Variants in CNTNAP5 observed in about 807,000 individuals in gnomAD.
CNTNAP5 encodes the protein contactin-associated protein-like 5.
CNTNAP5 carries 72 observed loss-of-function variants against 150.2 expected under a neutral mutation model. The ratio of observed to expected loss-of-function variants is 0.48; its 90% CI spans 0.40 to 0.58. The LOEUF is 0.58. Ranked by LOEUF, CNTNAP5 falls within the 20% of genes least tolerant of loss-of-function variation. CNTNAP5 has a pLI of 0.00. For missense variants in CNTNAP5, 1,636 were observed against 1,626.2 expected (o/e 1.01, Z -0.10); for synonymous variants, 672 against 619.8 (o/e 1.08, Z -1.25).
chr2:124,033,150 C>A (rs1276236911), intron 1 of CNTNAP5, among the ~76,000 whole-genome samples: 2 of 152,076 alleles, frequency 1.3e-5, no homozygotes, highest in East Asian at 3.9e-4. Flanking sequence ...TGTGCATATT[C>A]TTGGGGGTTG....
chr2:124,566,326 C>A (rs1320536014), intron 11 of CNTNAP5, among the ~76,000 whole-genome samples: 1 of 152,114 alleles, frequency 6.6e-6, no homozygotes, highest in East Asian at 1.9e-4. Flanking sequence ...CTCACTTTCT[C>A]CAAAAGTAAT....
intron 1 of CNTNAP5, among the ~76,000 whole-genome samples, chr2:124,078,290 A>C (rs1682484307): frequency 6.6e-6 from 1 of 152,222 alleles, no homozygotes; most frequent in Non-Finnish European, 1.5e-5. Context: ...ACATCTTTCT[A>C]CATCTGTAAA....
At chr2:124,902,379 A>C (rs1678431575) in intron 21 of CNTNAP5, among the ~76,000 whole-genome samples, 2 of 152,178 alleles carry the variant, frequency 1.3e-5, no homozygotes, top group Admixed American at 6.5e-5. Flanking sequence ...GCTTAAAATA[A>C]TTTACACAAT....
intron 19 of CNTNAP5, among the ~76,000 whole-genome samples, chr2:124,802,695 C>G (rs987207204): frequency 9.2e-5 from 14 of 152,176 alleles, no homozygotes; most frequent in Admixed American, 1.3e-4. Context: ...ATGGCTTTGC[C>G]TTCTCCACAG....
At chr2:124,087,234 G>A (rs573811605) in intron 1 of CNTNAP5, among the ~76,000 whole-genome samples, 4 of 151,864 alleles carry the variant, frequency 2.6e-5, no homozygotes, top group South Asian at 2.1e-4. Context: ...AGACAAAAAC[G>A]AAAGCTTACT....
chr2:124,631,084 C>A (rs1027949726), intron 12 of CNTNAP5, among the ~76,000 whole-genome samples: 2 of 152,066 alleles, frequency 1.3e-5, no homozygotes, highest in Non-Finnish European at 1.5e-5. Context: ...AGGACACAAG[C>A]AGATGGAAAA....
At chr2:124,633,757 C>A (rs904287625) in intron 12 of CNTNAP5, among the ~76,000 whole-genome samples, 3 of 152,196 alleles carry the variant, frequency 2.0e-5, no homozygotes, top group African/African-American at 7.2e-5. Context: ...ACAGGCTTTC[C>A]AAATAATTTT....
At chr2:124,323,912 A>C (rs1281988694) in intron 3 of CNTNAP5, among the ~76,000 whole-genome samples, 1 of 151,946 alleles carries the variant, frequency 6.6e-6, no homozygotes, top group Admixed American at 6.6e-5. Flanking sequence ...GGAGAAATAG[A>C]GAAAGAGAGC....
chr2:124,246,310 T>C (rs984167928), intron 3 of CNTNAP5, among the ~76,000 whole-genome samples: 1 of 152,128 alleles, frequency 6.6e-6, no homozygotes, highest in Non-Finnish European at 1.5e-5. Context: ...GTTTCTGATC[T>C]GGCACTGAGT....
At chr2:124,761,293 C>T (rs144192722) in intron 14 of CNTNAP5, among the ~76,000 whole-genome samples, 2 of 152,222 alleles carry the variant, frequency 1.3e-5, no homozygotes, top group African/African-American at 4.8e-5. Flanking sequence ...TTAATTAAAT[C>T]CGATCATATT....
At chr2:124,553,636 C>T (rs1254599548) in intron 10 of CNTNAP5, among the ~76,000 whole-genome samples, 3 of 151,794 alleles carry the variant, frequency 2.0e-5, no homozygotes, top group Non-Finnish European at 2.9e-5. Flanking sequence ...AAAATAAAAT[C>T]CAGAGTTTTC....
chr2:124,277,623 A>G (rs1687912087), intron 3 of CNTNAP5, among the ~76,000 whole-genome samples: 1 of 152,132 alleles, frequency 6.6e-6, no homozygotes. Flanking sequence ...TTGGGCCAAT[A>G]ATTCTTTTTC....
chr2:124,330,372 G>A (rs535285868), intron 3 of CNTNAP5, among the ~76,000 whole-genome samples: 196 of 152,224 alleles, frequency 1.3e-3, no homozygotes, highest in African/African-American at 4.6e-3. Context: ...CTCACAAATA[G>A]TGATATGGTT....
At chr2:124,211,523 AACACAC>A (rs3063440) in intron 1 of CNTNAP5, among the ~76,000 whole-genome samples, 1 of 149,788 alleles carries the variant, frequency 6.7e-6, no homozygotes, top group African/African-American at 2.5e-5. Flanking sequence ...CACACACACA[AACACAC>A]ACACACACAC....
At chr2:124,444,966 C>T (rs1692775391) in intron 5 of CNTNAP5, among the ~76,000 whole-genome samples, 2 of 152,066 alleles carry the variant, frequency 1.3e-5, no homozygotes. Context: ...ATTTGATGAG[C>T]ATCTCTACAC....
chr2:124,249,844 C>T (rs574679592), intron 3 of CNTNAP5, among the ~76,000 whole-genome samples: 9 of 152,130 alleles, frequency 5.9e-5, no homozygotes, highest in Middle Eastern at 3.4e-3. Context: ...GCAAAGTATT[C>T]GGATTTTTAA....
At chr2:124,403,146 T>C (rs1191776028) in intron 3 of CNTNAP5, among the ~76,000 whole-genome samples, 1 of 152,250 alleles carries the variant, frequency 6.6e-6, no homozygotes, top group Non-Finnish European at 1.5e-5. Flanking sequence ...GGACATCCCT[T>C]TGAAAGTCAT....
intron 1 of CNTNAP5, among the ~76,000 whole-genome samples, chr2:124,122,790 A>ACC (rs1221655682): frequency 9.6e-5 from 10 of 104,502 alleles, no homozygotes; most frequent in African/African-American, 3.3e-4. Flanking sequence ...ACACACACAC[A>ACC]CACCCACACC....
chr2:124,853,126 T>C (rs1027936241), intron 19 of CNTNAP5, among the ~76,000 whole-genome samples: 2 of 152,212 alleles, frequency 1.3e-5, no homozygotes, highest in African/African-American at 2.4e-5. Flanking sequence ...AGCAATGCCG[T>C]AGTAAAGGGA....
Sources: allele counts gnomAD v4.1 joint callset (sites outside exome capture counted in the v4.1 genomes callset), GRCh38; gene constraint gnomAD v4.1.1; transcripts MANE v1.5; gene names NCBI Gene and HGNC (gene_info 2026-07-23, HGNC 2026-07-21).